The following PIGX variants were observed in gnomAD, a reference collection of about 807,000 sequenced individuals.
PIGX encodes the protein GPI alpha-1,4-mannosyltransferase I, stabilizing subunit.
A neutral mutation model predicts 28.7 loss-of-function variants in PIGX; 24 were observed. That is an observed-to-expected ratio of 0.84 (90% CI 0.60 to 1.17). The LOEUF is 1.17. Ranked by LOEUF, PIGX falls within the 50% of genes most tolerant of loss-of-function variation. PIGX has a pLI of 0.00. For synonymous variants in PIGX, 127 were observed against 121.0 expected, an observed-to-expected ratio of 1.05 and a Z score of -0.33; for missense variants, 305 against 317.8, an observed-to-expected ratio of 0.96 and a Z score of 0.31.
At chr3:196,713,752 G>C (rs1053268116) in intron 1 of PIGX, among the ~76,000 whole-genome samples, 8 of 151,070 alleles carry the variant, frequency 5.3e-5, no homozygotes, top group Non-Finnish European at 1.2e-4. Context: ...CAGGAGAATC[G>C]CTTGAACTAG....
intron 5 of PIGX, among the ~76,000 whole-genome samples, chr3:196,732,221 TATATATATA>T (rs1712798852): frequency 1.6e-3 from 37 of 23,060 alleles, no homozygotes; most frequent in African/African-American, 4.6e-3. Flanking sequence ...ATTATTTATA[TATATATATA>T]TATATATATA....
At chr3:196,719,145 C>T (rs192256943) in intron 2 of PIGX, among the ~76,000 whole-genome samples, 1 of 152,092 alleles carries the variant, frequency 6.6e-6, no homozygotes, top group Admixed American at 6.6e-5. Flanking sequence ...GCTGTTTTAT[C>T]CATCTGTCAG....
rs575351329 is a variant in PIGX at position 196,729,487 on chromosome 3, A to G, written c.532+1351A>G. On this transcript the variant is annotated intron_variant, in intron 4 of 5. Coordinates refer to ENST00000392391, the MANE Select transcript of PIGX (RefSeq NM_017861.4). ...AGTGGCGCAATCTCGGCTTACCGCA[A>G]TCTCCGCCTCTCCTGCCTCAGCCTC... Among the ~76,000 whole-genome samples, 318 of 150,798 alleles carry G rather than the reference A, an allele frequency of 2.1e-3. 4 individuals are homozygous for G. The Middle Eastern group carries it at 0.041, about 19-fold the overall frequency.
At chr3:196,729,406 TTTC>T (rs1304944967) in intron 4 of PIGX, among the ~76,000 whole-genome samples, 2 of 151,406 alleles carry the variant, frequency 1.3e-5, no homozygotes, top group Admixed American at 1.3e-4. Flanking sequence ...TCTTTCTTTC[TTTC>T]TTATTTTTTT....
At chr3:196,731,195 T>G in intron 5 of PIGX, 103 bp downstream of exon 5, 1 of 553,150 alleles carries the variant, frequency 1.8e-6, no homozygotes. Flanking sequence ...TTTTTTTTTT[T>G]TAGGCGGAGT....
At chr3:196,713,503 C>T (rs1344616844) in intron 1 of PIGX, among the ~76,000 whole-genome samples, 1 of 151,886 alleles carries the variant, frequency 6.6e-6, no homozygotes, top group Non-Finnish European at 1.5e-5. Flanking sequence ...GACGGGGTTT[C>T]GCCGTATTGG....
intron 5 of PIGX, among the ~76,000 whole-genome samples, chr3:196,732,232 AT>A (rs1712802060): frequency 1.9e-5 from 1 of 54,008 alleles, no homozygotes; most frequent in African/African-American, 8.4e-5. Context: ...ATATATATAT[AT>A]ATATATATAT....
chr3:196,726,497 A>G (rs970139532), intron 3 of PIGX, among the ~76,000 whole-genome samples: 2 of 152,160 alleles, frequency 1.3e-5, no homozygotes, highest in Admixed American at 6.5e-5. Flanking sequence ...TATAAAGCAT[A>G]GTGAGATAAG....
chr3:196,729,577 C>T (rs866600988), intron 4 of PIGX, among the ~76,000 whole-genome samples: 10 of 150,650 alleles, frequency 6.6e-5, no homozygotes, highest in Middle Eastern at 3.4e-3. Context: ...TTAGTAGAGA[C>T]GGAGTTTCAC....
chr3:196,728,807 C>T (rs1712626812), intron 4 of PIGX: 2 of 764,442 alleles, frequency 2.6e-6, no homozygotes. Flanking sequence ...TAGGCATGTA[C>T]TATGTGTTTC....
intron 2 of PIGX, among the ~76,000 whole-genome samples, chr3:196,719,797 C>CTT (rs200697118): frequency 2.7e-5 from 4 of 146,798 alleles, no homozygotes; most frequent in Admixed American, 1.4e-4. Context: ...ACAATTTTAA[C>CTT]TTTTTTTTTT....
chr3:196,718,912 C>T (rs2108678805), intron 2 of PIGX, among the ~76,000 whole-genome samples: 1 of 152,232 alleles, frequency 6.6e-6, no homozygotes, highest in East Asian at 1.9e-4. Context: ...ACCCTTTTAT[C>T]TTTGTGTAAT....
chr3:196,715,290 A>G (rs1364022515), intron 1 of PIGX, among the ~76,000 whole-genome samples: 2 of 152,144 alleles, frequency 1.3e-5, no homozygotes, highest in South Asian at 2.1e-4. Context: ...ATTTCATTCA[A>G]TTTTAGTGTT....
chr3:196,734,643 A>G lies in PIGX; in HGVS notation c.*741A>G, dbSNP rs1423949587. 2 of 152,246 alleles carry G rather than the reference A, an allele frequency of 1.3e-5. No homozygotes were observed. Among genetic ancestry groups the G allele is most frequent in the African/African-American group, 4.8e-5 (2 of 41,468 alleles). 9.4% of individuals were successfully genotyped at this position (152,246 alleles called of 1,614,324 possible). On this transcript the variant is annotated 3_prime_UTR_variant, in exon 6 of 6. Coordinates refer to ENST00000392391, the MANE Select transcript of PIGX (RefSeq NM_017861.4). ...TAAATAGTAATGTCATGAGACTATT[A>G]AAGATGTGCCAGAGTTTCAATGAAA...
At chr3:196,730,747 C>CAAAAAA (rs965830812) in intron 4 of PIGX, among the ~76,000 whole-genome samples, 3 of 40,744 alleles carry the variant, frequency 7.4e-5, no homozygotes, top group East Asian at 8.3e-4. Flanking sequence ...GACTCTGTCT[C>CAAAAAA]AAAAAAAAAA....
rs1577665249 is a variant in PIGX at position 196,712,812 on chromosome 3, T to C, written c.112+168T>C. 3 of 1,100,636 alleles carry C rather than the reference T, an allele frequency of 2.7e-6. No homozygotes were observed. In the East Asian group the frequency reaches 1.6e-4, roughly 58 times the overall value. The allele number at this position is 1,100,636 out of a possible 1,614,324, so 68.2% of individuals were successfully genotyped here. ...GTGCCCTCCTTCCCTCCCGTGCGCTTTGCTCTGCGGCGGATCCCGGGTCTC... is the reference window on the plus strand; with the variant it reads ...GTGCCCTCCTTCCCTCCCGTGCGCTCTGCTCTGCGGCGGATCCCGGGTCTC... On this transcript the variant is annotated intron_variant, in intron 1 of 5. Transcript: ENST00000392391.
intron 2 of PIGX, among the ~76,000 whole-genome samples, chr3:196,719,440 A>T (rs2108679277): frequency 6.6e-6 from 1 of 152,248 alleles, no homozygotes; most frequent in Admixed American, 6.5e-5. Context: ...TTAACTCGTC[A>T]TTTAGCATTA....
chr3:196,723,275 A>G (rs1577674483), intron 3 of PIGX, among the ~76,000 whole-genome samples: 1 of 152,208 alleles, frequency 6.6e-6, no homozygotes, highest in Non-Finnish European at 1.5e-5. Flanking sequence ...TGGGAGGCGG[A>G]GGTTGCAGTG....
At chr3:196,728,253 C>T (rs778520557) in intron 4 of PIGX, 117 bp downstream of exon 4, 3 of 699,612 alleles carry the variant, frequency 4.3e-6, no homozygotes, top group Non-Finnish European at 7.5e-6. Flanking sequence ...GTGGTAGTTA[C>T]AAGGGTATTT....
Sources: allele counts gnomAD v4.1 joint callset (sites outside exome capture counted in the v4.1 genomes callset), GRCh38; gene constraint gnomAD v4.1.1; transcripts MANE v1.5; gene names NCBI Gene and HGNC (gene_info 2026-07-23, HGNC 2026-07-21).